FDFT1: variants seen among roughly 807,000 people sequenced by gnomAD.
FDFT1 encodes the protein squalene synthase.
FDFT1 carries 68 observed loss-of-function variants against 46.8 expected under a neutral mutation model. That is an observed-to-expected ratio of 1.45 (90% CI 1.19 to 1.78). FDFT1 has a LOEUF of 1.78. FDFT1 is among the 40% of genes most tolerant of loss of function. The pLI is 0.00. For synonymous variants in FDFT1, 351 were observed against 185.1 expected (o/e 1.90, Z -7.28); for missense variants, 928 against 524.4 (o/e 1.77, Z -7.52).
At chr8:11,832,877 T>A (rs1811032597) in intron 7 of FDFT1, among the ~76,000 whole-genome samples, 2 of 152,156 alleles carry the variant, frequency 1.3e-5, no homozygotes, top group Admixed American at 1.3e-4. Flanking sequence ...AGAGGTTACC[T>A]CTGTTCATGG....
At chr8:11,824,105 C>G (rs1001230697) in intron 4 of FDFT1, among the ~76,000 whole-genome samples, 1 of 152,228 alleles carries the variant, frequency 6.6e-6, no homozygotes, top group African/African-American at 2.4e-5. Context: ...TCAAGCAGTC[C>G]CCTCTCCACA....
intron 7 of FDFT1, among the ~76,000 whole-genome samples, chr8:11,837,301 G>A (rs1164110611): frequency 6.6e-6 from 1 of 152,202 alleles, no homozygotes; most frequent in African/African-American, 2.4e-5. Context: ...CATGATCTCG[G>A]ATCACTGCAA....
chr8:11,804,076 T>G (rs1380010814), intron 1 of FDFT1, among the ~76,000 whole-genome samples: 2 of 152,244 alleles, frequency 1.3e-5, no homozygotes, highest in Non-Finnish European at 2.9e-5. Context: ...CAGATAGTGT[T>G]CTAGGTGCTG....
intron 3 of FDFT1, among the ~76,000 whole-genome samples, chr8:11,812,806 T>A (rs1807920763): frequency 6.6e-6 from 1 of 152,336 alleles, no homozygotes; most frequent in East Asian, 1.9e-4. Context: ...CCTTTATACT[T>A]TAGTGATCAT....
intron 1 of FDFT1, chr8:11,808,421 A>T (rs1362378192): frequency 2.4e-6 from 3 of 1,255,014 alleles, no homozygotes; most frequent in African/African-American, 1.6e-5. Flanking sequence ...CCCAGCGCGT[A>T]TTCGAGTAGA....
chr8:11,830,468 G>A (rs776988972), intron 6 of FDFT1, 48 bp downstream of exon 6: 6 of 1,382,682 alleles, frequency 4.3e-6, no homozygotes, highest in Non-Finnish European at 6.2e-6. Context: ...AAGGGAGTGG[G>A]GTAGGAGTAA....
chr8:11,821,006 A>T (rs555684060), intron 3 of FDFT1, among the ~76,000 whole-genome samples: 25 of 152,068 alleles, frequency 1.6e-4, no homozygotes, highest in African/African-American at 6.0e-4. Flanking sequence ...CTTGGAAGCA[A>T]CTCTGGGTCT....
At position 11,808,814 on chromosome 8, in the gene FDFT1, G is replaced by T. The variant is rs771269515; in HGVS notation, c.120G>T (p.Leu40=). 2.5e-6 allele frequency: 4 copies of T among 1,613,764 alleles called. No homozygotes were observed. Among genetic ancestry groups the T allele is most frequent in the South Asian group, 1.1e-5 (1 of 90,822 alleles). ...CGCAGGACTCGCTCAGCAGCAGCCT[G>T]AAAACTTGCTACAAGTATCTCAATC... The part of the protein sequence containing the change: ...KMDQDSLSSS[L]KTCYKYLNQT... The change falls in exon 2 of 8, where the codon CTG becomes CTT. Residue 40 remains leucine (L), a synonymous_variant. Transcript: ENST00000220584.
chr8:11,837,002 G>A (rs550991435), intron 7 of FDFT1, among the ~76,000 whole-genome samples: 12 of 149,570 alleles, frequency 8.0e-5, no homozygotes, highest in African/African-American at 1.9e-4. Flanking sequence ...CCATTTCCAC[G>A]TAAGTGGAAA....
At chr8:11,799,941 T>C (rs11986535), upstream of FDFT1, among the ~76,000 whole-genome samples, 1,188 of 107,608 alleles carry the variant, frequency 0.011, 20 homozygotes, top group African/African-American at 0.043. Context: ...TGAGACTCCA[T>C]TTAAAAAAAA....
chr8:11,827,292 T>G lies in FDFT1; in HGVS notation c.702+1077T>G, dbSNP rs115634158. ...GCAAGATACCATCTCTATAAAAAAT[T>G]GTTAGAAAATGATTCTGCTGAAAGA... On this transcript the variant is annotated intron_variant, in intron 5 of 7. Transcript: ENST00000220584. Among the ~76,000 whole-genome samples, 318 of 151,812 alleles carry G rather than the reference T, an allele frequency of 2.1e-3. 1 individual carries two copies. The highest frequency in any genetic ancestry group is 6.5e-3 in the African/African-American group (268 of 41,384).
upstream of FDFT1, among the ~76,000 whole-genome samples, chr8:11,801,213 G>C (rs567158511): frequency 6.6e-6 from 1 of 152,224 alleles, no homozygotes; most frequent in Non-Finnish European, 1.5e-5. Context: ...ATGGAGGCCA[G>C]AGAGGTAATC....
chr8:11,816,109 A>G (rs946692226), intron 3 of FDFT1, among the ~76,000 whole-genome samples: 3 of 152,238 alleles, frequency 2.0e-5, no homozygotes, highest in Admixed American at 6.5e-5. Context: ...TCCCAGCAGC[A>G]TTTATTAAAT....
At chr8:11,821,464 G>A (rs184107978) in intron 3 of FDFT1, among the ~76,000 whole-genome samples, 3 of 152,304 alleles carry the variant, frequency 2.0e-5, no homozygotes, top group Admixed American at 6.5e-5. Flanking sequence ...GGTGGTGCAT[G>A]CCTGTAATGC....
At chr8:11,828,507 G>A (rs879760137) in intron 5 of FDFT1, among the ~76,000 whole-genome samples, 3 of 152,118 alleles carry the variant, frequency 2.0e-5, no homozygotes, top group East Asian at 3.9e-4. Flanking sequence ...TCAGTCTCCC[G>A]GCTCCTAGGC....
In FDFT1 at chr8:11,802,936, G is replaced by T; in HGVS notation, c.99+5G>T. On this transcript the variant is annotated splice_donor_5th_base_variant and intron_variant, in intron 1 of 7. Coordinates refer to ENST00000220584, the MANE Select transcript of FDFT1 (RefSeq NM_004462.5). ...GTGATGCCCAAGATGGACCAGGTGG[G>T]CCGAGCCTCCCTGCTTGCCCGGGGC... is the stretch of plus-strand genomic sequence containing the variant. The T allele has an allele frequency of 6.3e-7, 1 of 1,599,620 alleles. No individual in the cohort carries two copies. Among genetic ancestry groups the T allele is most frequent in the Non-Finnish European group, 8.5e-7 (1 of 1,173,248 alleles).
chr8:11,802,045 T>C (rs1328595953), upstream of FDFT1: 4 of 455,786 alleles, frequency 8.8e-6, no homozygotes, highest in African/African-American at 8.0e-5. Context: ...GTTTCCACAT[T>C]CCTGTTACAG....
rs1811892692 is a variant in FDFT1, at chr8:11,838,600, A to G, written c.1245A>G (p.Gly415=). The G allele has an allele frequency of 6.8e-6, 11 of 1,613,288 alleles. No individual in the cohort carries two copies. The highest frequency in any genetic ancestry group is 1.3e-5 in the African/African-American group (1 of 74,906). The change falls in exon 8 of 8, where the codon GGA becomes GGG. Residue 415 remains glycine (G), a synonymous_variant. Transcript: ENST00000220584. ...TAACAGAAGACTATGTTCAGACTGG[A>G]GAACACTGATCCCAAATTTGTCCAT... ...SQVTEDYVQT[G]EH
Position 11,839,017 on chromosome 8 carries a change from G to C in FDFT1, c.*408G>C, listed in dbSNP as rs753241463. On this transcript the variant is annotated 3_prime_UTR_variant, in exon 8 of 8. Coordinates refer to ENST00000220584, the MANE Select transcript of FDFT1 (RefSeq NM_004462.5). ...AATGATGTGAATTTTCTTTCTGTTCGGCTCCTATTTTTCTCATCATTTTGT... is the reference window on the plus strand; with the variant it reads ...AATGATGTGAATTTTCTTTCTGTTCCGCTCCTATTTTTCTCATCATTTTGT... The C allele has an allele frequency of 5.8e-6, 1 of 173,902 alleles. No homozygotes were observed. Among genetic ancestry groups the C allele is most frequent in the Non-Finnish European group, 1.2e-5 (1 of 80,582 alleles). The allele number at this position is 173,902 out of a possible 1,614,324, so 10.8% of individuals were successfully genotyped here.
Sources: allele counts gnomAD v4.1 joint callset (sites outside exome capture counted in the v4.1 genomes callset), GRCh38; gene constraint gnomAD v4.1.1; transcripts MANE v1.5; gene names NCBI Gene and HGNC (gene_info 2026-07-23, HGNC 2026-07-21).